TDRD1: variants seen among roughly 807,000 people sequenced by gnomAD.
TDRD1 encodes tudor domain containing 1, also known as tudor domain-containing protein 1.
In TDRD1, 37 loss-of-function variants were observed where a neutral mutation model predicts 140.6. The ratio of observed to expected loss-of-function variants is 0.26; its 90% confidence interval spans 0.20 to 0.35. TDRD1 has a LOEUF of 0.35. Ranked by LOEUF, TDRD1 falls within the 10% of genes least tolerant of loss-of-function variation. The pLI, the probability that TDRD1 is intolerant of heterozygous loss-of-function variation, is 1.00. For missense variants in TDRD1, 1,243 were observed against 1,393.0 expected (o/e 0.89, Z 1.71); for synonymous variants, 506 against 475.7 (o/e 1.06, Z -0.83).
chr10:114,192,372 C>T (rs573003555), intron 3 of TDRD1, among the ~76,000 whole-genome samples: 29 of 133,712 alleles, frequency 2.2e-4, no homozygotes, highest in Non-Finnish European at 3.8e-4. Context: ...GGCGCGATCT[C>T]GGCTCACTGC....
At chr10:114,211,205 GA>G (rs2035461529) in intron 13 of TDRD1, among the ~76,000 whole-genome samples, 1 of 152,124 alleles carries the variant, frequency 6.6e-6, no homozygotes, top group Non-Finnish European at 1.5e-5. Context: ...AGATATAAAG[GA>G]GGTATTTTTG....
At position 114,203,525 on chromosome 10, in the gene TDRD1, TG is replaced by T; in HGVS notation, c.940del (p.Val314LeufsTer43). On this transcript the variant is annotated frameshift_variant, in exon 8 of 26. Transcript: ENST00000251864. LOFTEE classifies it high-confidence loss of function. Reference sequence around the variant, plus strand: ...ATGTGCATGAAAAAGACTATATTCCTGTTAAGGGGGAAGTTTGTATTGCCAA... The same window carrying T: ...ATGTGCATGAAAAAGACTATATTCCTTTAAGGGGGAAGTTTGTATTGCCAA... The T allele has an allele frequency of 1.2e-6, 2 of 1,612,264 alleles. No homozygotes were observed. Among genetic ancestry groups the T allele is most frequent in the South Asian group, 2.2e-5 (2 of 90,784 alleles).
At chr10:114,201,343 G>T (rs2132951741) in intron 4 of TDRD1, 67 bp from the exon 5 acceptor site, 1 of 1,278,270 alleles carries the variant, frequency 7.8e-7, no homozygotes. Flanking sequence ...AATGATATTT[G>T]CTAAAGTGTG....
rs192944885 is a variant in TDRD1 at position 114,215,003 on chromosome 10, A to G, written c.2212+889A>G. Among the ~76,000 whole-genome samples, 13 of 152,192 alleles carry G rather than the reference A, an allele frequency of 8.5e-5. No individual in the cohort carries two copies. The East Asian group carries it at 1.7e-3, about 20-fold the overall frequency. On this transcript the variant is annotated intron_variant, in intron 16 of 25. Transcript: ENST00000251864. ...TGAATCCACCTGCCTCGGCCTCCCA[A>G]AGTGCTGGGATTACAGGTGTGAGCC...
intron 4 of TDRD1, among the ~76,000 whole-genome samples, chr10:114,199,785 C>T (rs1275154025): frequency 1.3e-5 from 2 of 152,208 alleles, no homozygotes; most frequent in Admixed American, 6.5e-5. Flanking sequence ...TGCCGTTGCA[C>T]GTACAATTAT....
At chr10:114,199,294 C>T (rs2034573368) in exon 4 of TDRD1, 4 of 1,611,918 alleles carry the variant, frequency 2.5e-6, no homozygotes, top group Non-Finnish European at 2.5e-6. Context: ...CGGTCCACAA[C>T]TTGCCATCGC....
intron 20 of TDRD1, 82 bp from the exon 21 acceptor site, chr10:114,222,505 A>G: frequency 1.5e-6 from 1 of 687,998 alleles, no homozygotes; most frequent in Non-Finnish European, 2.5e-6. Flanking sequence ...TTTTGGATTG[A>G]TTAGACTTGC....
At chr10:114,182,860 A>G (rs1212323434) in intron 1 of TDRD1, among the ~76,000 whole-genome samples, 3 of 151,676 alleles carry the variant, frequency 2.0e-5, no homozygotes, top group Non-Finnish European at 4.4e-5. Flanking sequence ...AATTTTTTGT[A>G]TTTTTAGTAG....
intron 6 of TDRD1, 82 bp downstream of exon 6, chr10:114,202,380 C>T: frequency 1.0e-6 from 1 of 983,198 alleles, no homozygotes; most frequent in South Asian, 2.2e-5. Context: ...AGGCTTATTT[C>T]TGTATTTTAT....
chr10:114,203,160 A>C, exon 7 of TDRD1: 2 of 1,611,594 alleles, frequency 1.2e-6, no homozygotes, highest in Non-Finnish European at 1.7e-6. Context: ...CAACTCAAGA[A>C]AACCATGGAA....
At chr10:114,198,082 G>A (rs778826053) in intron 3 of TDRD1, among the ~76,000 whole-genome samples, 7 of 152,114 alleles carry the variant, frequency 4.6e-5, no homozygotes, top group Non-Finnish European at 5.9e-5. Context: ...TATTCAACTC[G>A]GGGGCTCTTT....
At chr10:114,191,811 C>T (rs941638474) in intron 3 of TDRD1, among the ~76,000 whole-genome samples, 20 of 152,182 alleles carry the variant, frequency 1.3e-4, no homozygotes, top group African/African-American at 3.6e-4. Context: ...TCCAGAGTGA[C>T]GGTATCATTT....
chr10:114,230,111 G>T (rs1026071073), intron 25 of TDRD1, among the ~76,000 whole-genome samples: 1 of 152,200 alleles, frequency 6.6e-6, no homozygotes, highest in Non-Finnish European at 1.5e-5. Flanking sequence ...GATTACAGGC[G>T]TGAGCCACTG....
At chr10:114,184,372 C>T (rs2033351659) in intron 1 of TDRD1, among the ~76,000 whole-genome samples, 1 of 152,182 alleles carries the variant, frequency 6.6e-6, no homozygotes, top group Non-Finnish European at 1.5e-5. Context: ...GCAAAGGAAC[C>T]GCCAGACACA....
rs562287921 is a variant in TDRD1, at chr10:114,201,310, A to T, written c.530-100A>T. On this transcript the variant is annotated intron_variant, in intron 4 of 25. Coordinates refer to ENST00000251864, the Ensembl canonical transcript of TDRD1. Reference sequence around the variant, plus strand: ...CTGAACACCTGATCCTAAATAGCACAATTCTCTTGCCATGGCTAATAGAAT... The same window carrying T: ...CTGAACACCTGATCCTAAATAGCACTATTCTCTTGCCATGGCTAATAGAAT... The T allele has an allele frequency of 4.3e-6, 4 of 929,520 alleles. No individual in the cohort carries two copies. In the East Asian group the frequency reaches 9.8e-5, roughly 23 times the overall value. 57.6% of individuals were successfully genotyped at this position (929,520 alleles called of 1,614,324 possible).
At chr10:114,180,093 C>T (rs1292549236) in intron 1 of TDRD1, 2 of 152,110 alleles carry the variant, frequency 1.3e-5, no homozygotes. Flanking sequence ...GTAGGAATAA[C>T]GAAATAAAAA....
At chr10:114,179,289 A>G (rs1012862416) in exon 1 of TDRD1, 7 of 152,530 alleles carry the variant, frequency 4.6e-5, no homozygotes, top group Non-Finnish European at 8.8e-5. Context: ...AGGAGGGCGC[A>G]CTGGGGATTG....
intron 1 of TDRD1, among the ~76,000 whole-genome samples, chr10:114,186,991 C>A (rs927908801): frequency 6.6e-6 from 1 of 152,144 alleles, no homozygotes; most frequent in Non-Finnish European, 1.5e-5. Flanking sequence ...ATTTTGGGAG[C>A]AAAGCTATCA....
chr10:114,213,867 C>CT, intron 15 of TDRD1, 110 bp from the exon 16 acceptor site: 1 of 966,930 alleles, frequency 1.0e-6, no homozygotes, highest in Non-Finnish European at 1.6e-6. Flanking sequence ...TATAAAGGCA[C>CT]TTAAAAAGTC....
Sources: allele counts gnomAD v4.1 joint callset (sites outside exome capture counted in the v4.1 genomes callset), GRCh38; gene constraint gnomAD v4.1.1; transcripts MANE v1.5; gene names NCBI Gene and HGNC (gene_info 2026-07-23, HGNC 2026-07-21).